PRKN: variants seen among roughly 807,000 people sequenced by gnomAD.
The protein encoded by PRKN is E3 ubiquitin-protein ligase parkin.
In PRKN, 56 loss-of-function variants were observed where a neutral mutation model predicts 59.5. The ratio of observed to expected loss-of-function variants is 0.94; its 90% CI spans 0.76 to 1.18. PRKN has a LOEUF of 1.18. Among genes scored for constraint, PRKN ranks in the 50% most tolerant of loss-of-function variants. The pLI is 0.00. For missense variants in PRKN, 657 were observed against 596.4 expected, an observed-to-expected ratio of 1.10 and a Z score of -1.06; for synonymous variants, 250 against 222.1, an observed-to-expected ratio of 1.13 and a Z score of -1.12.
chr6:162,548,084 G>A (rs1274410742), intron 1 of PRKN, among the ~76,000 whole-genome samples: 2 of 151,474 alleles, frequency 1.3e-5, no homozygotes, highest in Non-Finnish European at 2.9e-5. Flanking sequence ...TTGTTGAGAC[G>A]GAGTCTCGCT....
At position 161,977,542 on chromosome 6, in the gene PRKN, G is replaced by GTTTTTTTTTTTTTTTT. The variant is rs1554256833; in HGVS notation, c.619-4141_619-4126dup. On this transcript the variant is annotated intron_variant, in intron 5 of 11. Coordinates refer to ENST00000366898, the MANE Select transcript of PRKN (RefSeq NM_004562.3). Reference sequence around the variant, plus strand: ...ATCTTCTCTACTTTCTGTTTTTTTGGTTTTTTTTTTTTTTTTTTTTTTTAA... The same window carrying GTTTTTTTTTTTTTTTT: ...ATCTTCTCTACTTTCTGTTTTTTTGGTTTTTTTTTTTTTTTTTTTTTTTTTTTTTTTTTTTTTTTAA... Among the ~76,000 whole-genome samples the GTTTTTTTTTTTTTTTT allele has an allele frequency of 2.9e-5, 3 of 104,522 alleles. 1 individual carries two copies. The highest frequency in any genetic ancestry group is 3.9e-5 in the Non-Finnish European group (2 of 51,672). The allele number at this position is 104,522 out of a possible 152,430, so 68.6% of individuals were successfully genotyped here.
At chr6:161,439,699 C>T (rs1205940732) in intron 9 of PRKN, among the ~76,000 whole-genome samples, 1 of 107,064 alleles carries the variant, frequency 9.3e-6, no homozygotes, top group Admixed American at 8.1e-5. Context: ...AACAAGGAAG[C>T]TAGATTTTTT....
intron 4 of PRKN, among the ~76,000 whole-genome samples, chr6:162,180,306 T>C (rs1783744193): frequency 6.6e-6 from 1 of 152,122 alleles, no homozygotes; most frequent in Non-Finnish European, 1.5e-5. Context: ...TTGCATTGTG[T>C]GTAACTCAAA....
intron 6 of PRKN, among the ~76,000 whole-genome samples, chr6:161,949,686 A>G (rs1779914349): frequency 6.6e-6 from 1 of 152,180 alleles, no homozygotes; most frequent in Non-Finnish European, 1.5e-5. Context: ...GGGCCAAGAC[A>G]GAGCACTCTC....
intron 4 of PRKN, among the ~76,000 whole-genome samples, chr6:162,104,559 T>C (rs984307620): frequency 6.6e-6 from 1 of 152,148 alleles, no homozygotes; most frequent in African/African-American, 2.4e-5. Flanking sequence ...CCGGTGCTTC[T>C]CAGACTCTGA....
rs1790159842 is a variant in PRKN, at chr6:161,460,572, C to A, written c.1084-73695G>T. 6.6e-6 allele frequency among the ~76,000 whole-genome samples: 1 copy of A among 152,016 alleles called. No homozygotes were observed. Among genetic ancestry groups the A allele is most frequent in the African/African-American group, 2.4e-5 (1 of 41,372 alleles). On this transcript the variant is annotated intron_variant, in intron 9 of 11. Transcript: ENST00000366898. The surrounding 1 kb of genome is among the most constrained non-coding windows in gnomAD (Gnocchi z 5.0). ...GTAAGGAGCAATGCTGGGGTAGAAG[C>A]CCCAGGTGCCACATGTGCTGGCAGG...
chr6:161,706,402 C>T (rs749589386), intron 7 of PRKN, among the ~76,000 whole-genome samples: 1 of 152,186 alleles, frequency 6.6e-6, no homozygotes, highest in Non-Finnish European at 1.5e-5. Context: ...CATAACACCC[C>T]GGGTTCACGC....
intron 7 of PRKN, among the ~76,000 whole-genome samples, chr6:161,729,398 G>A (rs1165550552): frequency 6.6e-6 from 1 of 152,012 alleles, no homozygotes; most frequent in East Asian, 1.9e-4. Flanking sequence ...TTGCGCATGT[G>A]TGTAAAGTAA....
At chr6:161,992,024 T>C (rs1320929482) in intron 5 of PRKN, among the ~76,000 whole-genome samples, 1 of 151,634 alleles carries the variant, frequency 6.6e-6, no homozygotes, top group East Asian at 2.0e-4. Context: ...ATAAAACAGA[T>C]TACAAGTCAA....
At chr6:162,558,656 T>C (rs1779711411) in intron 1 of PRKN, among the ~76,000 whole-genome samples, 1 of 151,030 alleles carries the variant, frequency 6.6e-6, no homozygotes, top group Non-Finnish European at 1.5e-5. Context: ...TTTTAATTTC[T>C]TAGATGGGGT....
intron 9 of PRKN, among the ~76,000 whole-genome samples, chr6:161,425,822 A>C (rs571889684): frequency 6.6e-6 from 1 of 152,176 alleles, no homozygotes; most frequent in Non-Finnish European, 1.5e-5. Flanking sequence ...GCCTTGCCAC[A>C]TCAGTAATTC....
At chr6:162,713,573 A>C (rs1437664821) in intron 1 of PRKN, among the ~76,000 whole-genome samples, 1 of 151,992 alleles carries the variant, frequency 6.6e-6, no homozygotes, top group African/African-American at 2.4e-5. Context: ...GATTCAGGGA[A>C]TAAAAAGTGT....
intron 2 of PRKN, among the ~76,000 whole-genome samples, chr6:162,284,213 T>C (rs1781064259): frequency 1.5e-5 from 2 of 132,110 alleles, no homozygotes; most frequent in African/African-American, 2.9e-5. Flanking sequence ...TGTTATTTCT[T>C]TCTTTTTTTT....
At chr6:162,207,330 T>C (rs1284567614) in intron 3 of PRKN, among the ~76,000 whole-genome samples, 2 of 151,888 alleles carry the variant, frequency 1.3e-5, no homozygotes, top group Admixed American at 6.6e-5. Context: ...TGAGATCCCA[T>C]CACTGCACTC....
At chr6:161,867,143 C>G (rs757049418) in intron 6 of PRKN, among the ~76,000 whole-genome samples, 1 of 152,032 alleles carries the variant, frequency 6.6e-6, no homozygotes, top group East Asian at 1.9e-4. Context: ...TTCTATATTG[C>G]GAGTTGATTT....
intron 6 of PRKN, among the ~76,000 whole-genome samples, chr6:161,916,696 G>A (rs796277885): frequency 6.6e-6 from 1 of 152,034 alleles, no homozygotes; most frequent in Non-Finnish European, 1.5e-5. Flanking sequence ...TAAATTTTAT[G>A]GCTTTCCTCT....
chr6:162,473,898 C>T (rs900137458), intron 1 of PRKN, among the ~76,000 whole-genome samples: 11 of 152,098 alleles, frequency 7.2e-5, no homozygotes, highest in African/African-American at 2.7e-4. Flanking sequence ...AAAAATGTCA[C>T]CATAATTATA....
intron 4 of PRKN, among the ~76,000 whole-genome samples, chr6:162,128,369 T>C (rs1380412540): frequency 6.6e-6 from 1 of 152,204 alleles, no homozygotes; most frequent in Non-Finnish European, 1.5e-5. Context: ...AGCCTGAAGA[T>C]ACACTATATA....
At chr6:161,519,851 G>A (rs1378810471) in intron 9 of PRKN, among the ~76,000 whole-genome samples, 1 of 151,070 alleles carries the variant, frequency 6.6e-6, no homozygotes, top group Non-Finnish European at 1.5e-5. Context: ...TTATTCTCCT[G>A]CCCACACCCA....
Sources: allele counts gnomAD v4.1 joint callset (sites outside exome capture counted in the v4.1 genomes callset), GRCh38; gene constraint gnomAD v4.1.1; non-coding constraint Gnocchi (gnomAD v3.1); transcripts MANE v1.5; gene names NCBI Gene and HGNC (gene_info 2026-07-23, HGNC 2026-07-21).